MIB1: variants seen among roughly 807,000 people sequenced by gnomAD.
MIB1 encodes MIB E3 ubiquitin protein ligase 1.
A neutral mutation model predicts 124.5 loss-of-function variants in MIB1; 278 were observed. That is an observed-to-expected ratio of 2.23 (90% confidence interval 2.02 to 2.47). The LOEUF (loss-of-function observed/expected upper bound fraction) is 2.47. Ranked by LOEUF, MIB1 falls within the 30% of genes most tolerant of loss-of-function variation. The pLI, the probability that MIB1 is intolerant of heterozygous loss-of-function variation, is 0.00. For missense variants in MIB1, 957 were observed against 1,254.4 expected (o/e 0.76, Z 3.58); for synonymous variants, 446 against 429.4 (o/e 1.04, Z -0.48).
Position 21,858,563 on chromosome 18 carries a change from G to C in MIB1, c.2797G>C (p.Val933Leu). 6.4e-7 allele frequency: 1 copy of C among 1,558,304 alleles called. No homozygotes were observed. The highest frequency in any genetic ancestry group is 1.1e-5 in the South Asian group (1 of 88,276). ...TATTATAGCAAGTGGGAATATTCCA[G>C]TATTACAAAAGGACAAGGATAATAC... ...TDDISSGNIP[V>L]LQKDKDNTNV... Residue 933 changes from valine (V) to leucine (L), a missense_variant, in exon 20 of 21, where the codon GTA becomes CTA. Coordinates refer to ENST00000261537, the MANE Select transcript of MIB1 (RefSeq NM_020774.4).
At chr18:21,795,366 A>T (rs1425007675) in intron 7 of MIB1, among the ~76,000 whole-genome samples, 1 of 143,936 alleles carries the variant, frequency 6.9e-6, no homozygotes, top group Non-Finnish European at 1.5e-5. Flanking sequence ...AATACATAAT[A>T]TATAAATATA....
intron 1 of MIB1, among the ~76,000 whole-genome samples, chr18:21,757,451 CAAAAAAAAAA>C (rs1202189616): frequency 2.9e-3 from 38 of 13,276 alleles, no homozygotes; most frequent in African/African-American, 9.1e-3. Context: ...GACTCTGTCT[CAAAAAAAAAA>C]AAAAAAAAAA....
chr18:21,739,360 A>C (rs933913780), upstream of MIB1, among the ~76,000 whole-genome samples: 1 of 152,170 alleles, frequency 6.6e-6, no homozygotes, highest in African/African-American at 2.4e-5. Context: ...CCAGAGGTAC[A>C]AAGAGGAGCT....
intron 14 of MIB1, 62 bp from the exon 15 acceptor site, chr18:21,844,030 A>G: frequency 4.6e-6 from 7 of 1,514,274 alleles, no homozygotes; most frequent in South Asian, 3.4e-5. Flanking sequence ...ATTACTTTAG[A>G]TATGTTGAAG....
intron 6 of MIB1, among the ~76,000 whole-genome samples, chr18:21,785,394 C>CTATATT (rs1353748489): frequency 6.6e-6 from 1 of 152,146 alleles, no homozygotes; most frequent in African/African-American, 2.4e-5. Context: ...GAAAAAAACC[C>CTATATT]ACAGGCCCAG....
intron 12 of MIB1, chr18:21,826,670 T>C (rs1361577428): frequency 1.3e-5 from 2 of 152,106 alleles, no homozygotes; most frequent in African/African-American, 4.8e-5. Context: ...GATTTCAATG[T>C]CTTGAGAGGG....
At position 21,742,041 on chromosome 18, in the gene MIB1, C is replaced by T. The variant is rs189399814; in HGVS notation, c.229+229C>T. On this transcript the variant is annotated intron_variant, in intron 1 of 20. Coordinates refer to ENST00000261537, the MANE Select transcript of MIB1 (RefSeq NM_020774.4). ...AAGGGAAATGATGGCAGCACCATCA[C>T]CGGGATGCTTTCAAGCCTGGAAGAC... Among the ~76,000 whole-genome samples, 370 of 152,304 alleles carry T rather than the reference C, an allele frequency of 2.4e-3. 4 individuals carry two copies. Among genetic ancestry groups the T allele is most frequent in the Non-Finnish European group, 2.3e-3 (157 of 68,024 alleles).
At chr18:21,739,536 G>A (rs1288634332), upstream of MIB1, among the ~76,000 whole-genome samples, 2 of 152,052 alleles carry the variant, frequency 1.3e-5, no homozygotes, top group African/African-American at 2.4e-5. Flanking sequence ...ACATCGATGC[G>A]AAAATCTTCA....
At chr18:21,820,211 T>C (rs1425105188) in intron 12 of MIB1, among the ~76,000 whole-genome samples, 1 of 152,214 alleles carries the variant, frequency 6.6e-6, no homozygotes, top group African/African-American at 2.4e-5. Context: ...TCCCACAGAA[T>C]GGGAAAATGC....
At chr18:21,780,916 A>G (rs1327686859) in intron 6 of MIB1, among the ~76,000 whole-genome samples, 2 of 152,134 alleles carry the variant, frequency 1.3e-5, no homozygotes, top group African/African-American at 4.8e-5. Flanking sequence ...ACTGGATCAT[A>G]TGGTAGTTCT....
chr18:21,799,344 C>G (rs2041623522), intron 8 of MIB1, among the ~76,000 whole-genome samples: 1 of 152,000 alleles, frequency 6.6e-6, no homozygotes, highest in Non-Finnish European at 1.5e-5. Context: ...ACTTAGATGT[C>G]CAGTTTCAAC....
At chr18:21,858,670 G>A (rs1568229990) in intron 20 of MIB1, 24 bp downstream of exon 20, 3 of 1,175,562 alleles carry the variant, frequency 2.6e-6, no homozygotes, top group Non-Finnish European at 3.8e-6. Context: ...CATGTAAACA[G>A]TGATGCTGTG....
At chr18:21,799,271 A>G (rs2041622899) in intron 8 of MIB1, among the ~76,000 whole-genome samples, 1 of 152,058 alleles carries the variant, frequency 6.6e-6, no homozygotes, top group African/African-American at 2.4e-5. Flanking sequence ...AGGTATATTC[A>G]TCCCTGGTTC....
chr18:21,766,049 T>C lies in MIB1; in HGVS notation c.401+106T>C, dbSNP rs954461170. On this transcript the variant is annotated intron_variant, in intron 2 of 20. Transcript: ENST00000261537. ...TTAGCAAATAGCTTCTGACAGTTGG[T>C]TTACTAACAGGAGGTACCCAATAGT... 3 of 1,077,248 alleles carry C rather than the reference T, an allele frequency of 2.8e-6. No homozygotes were observed. The African/African-American group carries it at 4.8e-5, about 17-fold the overall frequency. The allele number at this position is 1,077,248 out of a possible 1,614,324, so 66.7% of individuals were successfully genotyped here.
intron 1 of MIB1, among the ~76,000 whole-genome samples, chr18:21,725,807 G>T (rs1465746785): frequency 6.6e-6 from 1 of 152,002 alleles, no homozygotes; most frequent in African/African-American, 2.4e-5. Flanking sequence ...AGGAAGGAAG[G>T]AAGGAAAACT....
Position 21,864,579 on chromosome 18 carries a change from T to G in MIB1, c.2934T>G (p.Gly978=). 6.2e-7 allele frequency: 1 copy of G among 1,613,734 alleles called. No homozygotes were observed. The highest frequency in any genetic ancestry group is 8.5e-7 in the Non-Finnish European group (1 of 1,179,634). ...TGAAGAATATGATTTTCCTTTGTGG[T>G]CACGGAACCTGTCAACTCTGTGGAG... ...DRLKNMIFLC[G]HGTCQLCGDR... is the part of the protein sequence containing the mutation. Residue 978 remains glycine (G), a synonymous_variant, in exon 21 of 21, where the codon GGT becomes GGG. Transcript: ENST00000261537.
At chr18:21,754,696 C>T (rs556215560) in intron 1 of MIB1, among the ~76,000 whole-genome samples, 6 of 152,196 alleles carry the variant, frequency 3.9e-5, no homozygotes, top group South Asian at 2.1e-4. Context: ...AGTAATGAAC[C>T]GTCTATCCAT....
intron 7 of MIB1, among the ~76,000 whole-genome samples, chr18:21,795,824 TA>T (rs1281118142): frequency 3.3e-4 from 50 of 152,284 alleles, no homozygotes; most frequent in African/African-American, 1.1e-3. Context: ...TCAGAAATCT[TA>T]TTGCATGTAG....
chr18:21,779,546 G>C lies in MIB1; in HGVS notation c.769G>C (p.Asp257His), dbSNP rs769785775. 1 of 1,614,014 alleles carries C rather than the reference G, an allele frequency of 6.2e-7. No individual in the cohort carries two copies. The highest frequency in any genetic ancestry group is 8.5e-7 in the Non-Finnish European group (1 of 1,179,992). Residue 257 changes from aspartate (D) to histidine (H), a missense_variant, in exon 6 of 21, where the codon GAC (aspartate) becomes CAC (histidine). Transcript: ENST00000261537. ...TGGTGACCTGGTAAATATAGATCTC[G>C]ACCTCGAAATTGTACAGTCTTTGCA... ...QIGDLVNIDLDLEIVQSLQHG... is the reference protein window; with the variant it reads ...QIGDLVNIDLHLEIVQSLQHG...
Sources: allele counts gnomAD v4.1 joint callset (sites outside exome capture counted in the v4.1 genomes callset), GRCh38; gene constraint gnomAD v4.1.1; transcripts MANE v1.5; gene names NCBI Gene and HGNC (gene_info 2026-07-23, HGNC 2026-07-21).